PACSIN1: variants seen among roughly 807,000 people sequenced by gnomAD.
The protein encoded by PACSIN1 is protein kinase C and casein kinase substrate in neurons protein 1.
A neutral mutation model predicts 59.5 loss-of-function variants in PACSIN1; 15 were observed. The observed-to-expected ratio is 0.25, with a 90% CI of 0.17 to 0.39. The LOEUF (loss-of-function observed/expected upper bound fraction) is 0.39. PACSIN1 is among the 10% of genes least tolerant of loss of function. The pLI is 1.00. For missense variants in PACSIN1, 420 were observed against 580.2 expected (o/e 0.72, Z 2.84); for synonymous variants, 210 against 220.6 (o/e 0.95, Z 0.42).
At chr6:34,506,570 C>T (rs902990535) in intron 1 of PACSIN1, among the ~76,000 whole-genome samples, 15 of 152,168 alleles carry the variant, frequency 9.9e-5, no homozygotes, top group East Asian at 3.8e-4. Flanking sequence ...TATGAGATGC[C>T]GGATCTTCTT....
rs925923498 is a variant in PACSIN1 at position 34,516,904 on chromosome 6, G to C, written c.-63-9339G>C. On this transcript the variant is annotated intron_variant, in intron 1 of 9. Transcript: ENST00000244458. This position sits in a 1 kb window ranked among gnomAD's most constrained non-coding sequence, Gnocchi z 5.4. ...TTGAGGGAGGCCCCAGGAGCACTGA[G>C]AGGCCTGGAGCTCAGCAGGGGCTGG... is the stretch of plus-strand genomic sequence containing the variant. Among the ~76,000 whole-genome samples the C allele has an allele frequency of 2.0e-5, 3 of 152,104 alleles. No individual in the cohort carries two copies. Among genetic ancestry groups the C allele is most frequent in the Non-Finnish European group, 4.4e-5 (3 of 67,980 alleles).
rs199700121 is a variant in PACSIN1, at chr6:34,525,002, T to TG, written c.-63-1240dup. Among the ~76,000 whole-genome samples the TG allele has an allele frequency of 0.012, 1,815 of 152,364 alleles. 15 individuals carry two copies. Among genetic ancestry groups the TG allele is most frequent in the Non-Finnish European group, 0.017 (1,140 of 68,042 alleles). ...GATACCTATCTCACCTGGCTGACCATGCTTCCTTAAACATCCCTGCTTTTC... is the reference window on the plus strand; with the variant it reads ...GATACCTATCTCACCTGGCTGACCATGGCTTCCTTAAACATCCCTGCTTTTC... On this transcript the variant is annotated intron_variant, in intron 1 of 9. Transcript: ENST00000244458. The surrounding 1 kb of genome is among the most constrained non-coding windows in gnomAD (Gnocchi z 4.9).
chr6:34,520,094 G>C (rs1481587002), intron 1 of PACSIN1, among the ~76,000 whole-genome samples: 3 of 152,082 alleles, frequency 2.0e-5, no homozygotes, highest in Non-Finnish European at 4.4e-5. Flanking sequence ...TGAGTGATGG[G>C]AGGGAGGATG....
intron 1 of PACSIN1, among the ~76,000 whole-genome samples, chr6:34,495,356 A>G (rs2127255059): frequency 6.6e-6 from 1 of 152,300 alleles, no homozygotes; most frequent in East Asian, 1.9e-4. Context: ...TTGGAATCAC[A>G]TGAAGGAACT....
At chr6:34,526,174 G>A (rs1767477929) in intron 1 of PACSIN1, 69 bp from the exon 2 acceptor site, 1 of 698,908 alleles carries the variant, frequency 1.4e-6, no homozygotes, top group African/African-American at 1.8e-5. Flanking sequence ...TGGGGACCCA[G>A]GCCTGGAATG....
chr6:34,527,565 C>T, intron 3 of PACSIN1, 77 bp downstream of exon 3: 8 of 1,341,598 alleles, frequency 6.0e-6, no homozygotes, highest in Non-Finnish European at 8.0e-6. Context: ...GGAGCCCCGG[C>T]TACTTGCATG....
Position 34,473,958 on chromosome 6 carries a change from T to A in PACSIN1, c.-64+7688T>A, listed in dbSNP as rs532100166. Among the ~76,000 whole-genome samples the A allele has an allele frequency of 2.8e-3, 433 of 152,340 alleles. 4 individuals are homozygous for A. The highest frequency in any genetic ancestry group is 9.6e-3 in the African/African-American group (401 of 41,578). On this transcript the variant is annotated intron_variant, in intron 1 of 9. Transcript: ENST00000244458. ...ATTCACTTAGTATTCACATTCCCTG[T>A]TGTCTCAGACATGTCTTTTTGTTTT...
chr6:34,508,392 A>G (rs1217031728), intron 1 of PACSIN1, among the ~76,000 whole-genome samples: 1 of 152,114 alleles, frequency 6.6e-6, no homozygotes, highest in African/African-American at 2.4e-5. Flanking sequence ...GGTGTGAGCC[A>G]CCGTGCCCAG....
intron 1 of PACSIN1, among the ~76,000 whole-genome samples, chr6:34,476,992 C>T (rs1581956947): frequency 6.6e-6 from 1 of 152,168 alleles, no homozygotes; most frequent in African/African-American, 2.4e-5. Flanking sequence ...CTCGGGATTT[C>T]CCTTCTCTCC....
intron 1 of PACSIN1, among the ~76,000 whole-genome samples, chr6:34,482,189 C>T (rs9394228): frequency 0.42 from 63,812 of 151,930 alleles, 13,659 homozygotes; most frequent in East Asian, 0.59. Flanking sequence ...TGGATTCAAG[C>T]GATTCTCCTG....
In PACSIN1 at chr6:34,527,504, C is replaced by T; in HGVS notation, c.220+16C>T. The T allele has an allele frequency of 6.3e-7, 1 of 1,575,478 alleles. No homozygotes were observed. The highest frequency in any genetic ancestry group is 8.6e-7 in the Non-Finnish European group (1 of 1,162,722). On this transcript the variant is annotated intron_variant, in intron 3 of 9. Coordinates refer to ENST00000244458, the MANE Select transcript of PACSIN1 (RefSeq NM_020804.5). ...ATCGAGAAAGGTGCTCCCCCAGGCTCACATCGTGCGCGCCCCCAGGCCGTC... is the reference window on the plus strand; with the variant it reads ...ATCGAGAAAGGTGCTCCCCCAGGCTTACATCGTGCGCGCCCCCAGGCCGTC...
intron 1 of PACSIN1, among the ~76,000 whole-genome samples, chr6:34,489,577 C>G (rs537686700): frequency 4.7e-4 from 71 of 152,286 alleles, no homozygotes; most frequent in African/African-American, 1.7e-3. Flanking sequence ...CCCCGCAGGC[C>G]AAAGCACCAG....
At chr6:34,509,661 T>TCC (rs1240559758) in intron 1 of PACSIN1, among the ~76,000 whole-genome samples, 14 of 152,098 alleles carry the variant, frequency 9.2e-5, no homozygotes, top group African/African-American at 3.1e-4. Flanking sequence ...GTAGTATGGA[T>TCC]ATTTTAAGAA....
chr6:34,476,665 G>C (rs557545094), intron 1 of PACSIN1, among the ~76,000 whole-genome samples: 1 of 152,202 alleles, frequency 6.6e-6, no homozygotes, highest in Non-Finnish European at 1.5e-5. Flanking sequence ...TGACAGCTGG[G>C]TGGGCCTTTC....
chr6:34,513,540 T>A (rs1171762415), intron 1 of PACSIN1, among the ~76,000 whole-genome samples: 2 of 152,092 alleles, frequency 1.3e-5, no homozygotes, highest in Non-Finnish European at 2.9e-5. Context: ...ACCCACACTG[T>A]CCCTCCTGGG....
intron 1 of PACSIN1, among the ~76,000 whole-genome samples, chr6:34,498,796 C>CAAAAAAA (rs1228510694): frequency 1.0e-5 from 1 of 95,630 alleles, no homozygotes; most frequent in Admixed American, 1.2e-4. Flanking sequence ...GACTTTGTCT[C>CAAAAAAA]AAAAAAAAAA....
At position 34,518,726 on chromosome 6, in the gene PACSIN1, G is replaced by C. The variant is rs1204262667; in HGVS notation, c.-63-7517G>C. Among the ~76,000 whole-genome samples, 1 of 152,232 alleles carries C rather than the reference G, an allele frequency of 6.6e-6. No homozygotes were observed. The highest frequency in any genetic ancestry group is 1.9e-4 in the East Asian group (1 of 5,202). On this transcript the variant is annotated intron_variant, in intron 1 of 9. Coordinates refer to ENST00000244458, the MANE Select transcript of PACSIN1 (RefSeq NM_020804.5). The surrounding 1 kb of genome is among the most constrained non-coding windows in gnomAD (Gnocchi z 4.4). ...GGTATGTAAACGCCACCTTCCAGTGGCTCTCCACCACCCTTTGCCCTGTCC... is the reference window on the plus strand; with the variant it reads ...GGTATGTAAACGCCACCTTCCAGTGCCTCTCCACCACCCTTTGCCCTGTCC...
chr6:34,468,073 C>G (rs1410407281), intron 1 of PACSIN1, among the ~76,000 whole-genome samples: 1 of 152,224 alleles, frequency 6.6e-6, no homozygotes, highest in African/African-American at 2.4e-5. Flanking sequence ...GTCTCTGCCT[C>G]TGTCCCAGCC....
chr6:34,516,662 C>T lies in PACSIN1; in HGVS notation c.-63-9581C>T, dbSNP rs1767297881. Reference sequence around the variant, plus strand: ...CTCAGCAGGCCCTCCAGGCCTGGCCCCGACCTCCAGCCCCTGGCCTGCCTC... The same window carrying T: ...CTCAGCAGGCCCTCCAGGCCTGGCCTCGACCTCCAGCCCCTGGCCTGCCTC... On this transcript the variant is annotated intron_variant, in intron 1 of 9. Transcript: ENST00000244458. The surrounding 1 kb of genome is among the most constrained non-coding windows in gnomAD (Gnocchi z 5.4). Among the ~76,000 whole-genome samples, 1 of 152,192 alleles carries T rather than the reference C, an allele frequency of 6.6e-6. No homozygotes were observed. The highest frequency in any genetic ancestry group is 1.5e-5 in the Non-Finnish European group (1 of 68,016).
Sources: allele counts gnomAD v4.1 joint callset (sites outside exome capture counted in the v4.1 genomes callset), GRCh38; gene constraint gnomAD v4.1.1; non-coding constraint Gnocchi (gnomAD v3.1); transcripts MANE v1.5; gene names NCBI Gene and HGNC (gene_info 2026-07-23, HGNC 2026-07-21).